Variants in B3GAT2 observed in about 807,000 individuals in gnomAD.
The protein encoded by B3GAT2 is beta-1,3-glucuronyltransferase 2, also known as galactosylgalactosylxylosylprotein 3-beta-glucuronosyltransferase 2.
A neutral mutation model predicts 27.8 loss-of-function variants in B3GAT2; 26 were observed. That is an observed-to-expected ratio of 0.93 (90% CI 0.68 to 1.30). B3GAT2 has a LOEUF of 1.30. Ranked by LOEUF, B3GAT2 falls within the 50% of genes most tolerant of loss-of-function variation. B3GAT2 has a pLI of 0.00. For synonymous variants in B3GAT2, 218 were observed against 195.1 expected (o/e 1.12, Z -0.98); for missense variants, 458 against 459.0 (o/e 1.00, Z 0.02).
chr6:70,905,023 T>C (rs1428749200), intron 1 of B3GAT2, among the ~76,000 whole-genome samples: 3 of 152,188 alleles, frequency 2.0e-5, no homozygotes, highest in Non-Finnish European at 4.4e-5. Context: ...AGGTTCAGAC[T>C]AAATATAGTT....
At chr6:70,927,184 C>G (rs573946127) in intron 1 of B3GAT2, among the ~76,000 whole-genome samples, 1 of 152,156 alleles carries the variant, frequency 6.6e-6, no homozygotes, top group Non-Finnish European at 1.5e-5. Context: ...AAGAACTAAA[C>G]ATGGAAAGGA....
At chr6:70,919,963 C>T (rs894637390) in intron 1 of B3GAT2, among the ~76,000 whole-genome samples, 1 of 152,198 alleles carries the variant, frequency 6.6e-6, no homozygotes, top group Admixed American at 6.5e-5. Flanking sequence ...TTTAAGTCTG[C>T]AGAAGCTGTC....
At chr6:70,930,535 T>G (rs912237794) in intron 1 of B3GAT2, among the ~76,000 whole-genome samples, 1 of 152,274 alleles carries the variant, frequency 6.6e-6, no homozygotes, top group African/African-American at 2.4e-5. Flanking sequence ...GGGCGAAGGA[T>G]ATGAACAGAC....
At chr6:70,931,013 AG>A (rs1562232644) in intron 1 of B3GAT2, among the ~76,000 whole-genome samples, 2 of 152,148 alleles carry the variant, frequency 1.3e-5, no homozygotes, top group East Asian at 1.9e-4. Context: ...CATAAAAAAG[AG>A]TGAGTTCATG....
At chr6:70,922,912 C>T (rs1040304153) in intron 1 of B3GAT2, among the ~76,000 whole-genome samples, 1 of 152,190 alleles carries the variant, frequency 6.6e-6, no homozygotes, top group African/African-American at 2.4e-5. Flanking sequence ...CTCAGATCCA[C>T]CACTAATTAG....
Position 70,857,642 on chromosome 6 carries a change from T to G in B3GAT2, c.*4021A>C. The G allele has an allele frequency of 2.4e-6, 1 of 421,934 alleles. No homozygotes were observed. The allele number at this position is 421,934 out of a possible 1,614,324, so 26.1% of individuals were successfully genotyped here. A position where few individuals can be genotyped will look rare whatever the true frequency, so the allele number is the denominator to read the frequency against. On this transcript the variant is annotated 3_prime_UTR_variant, in exon 4 of 4. Transcript: ENST00000230053. ...AAACAGTGTATGATGTCATGCTACA[T>G]AGTTTGGTCTTCACAGTGGAAGATA...
intron 1 of B3GAT2, among the ~76,000 whole-genome samples, chr6:70,912,792 A>C (rs555561241): frequency 1.3e-5 from 2 of 152,118 alleles, no homozygotes; most frequent in Non-Finnish European, 2.9e-5. Context: ...TTGTGGATCC[A>C]TCTGGTCCAG....
chr6:70,894,027 C>T, intron 2 of B3GAT2, 101 bp downstream of exon 2: 1 of 1,301,300 alleles, frequency 7.7e-7, no homozygotes, highest in East Asian at 2.5e-5. Flanking sequence ...AGGGTTTTAT[C>T]CAAATTTGTC....
At chr6:70,932,533 C>G (rs971955650) in intron 1 of B3GAT2, among the ~76,000 whole-genome samples, 1 of 152,038 alleles carries the variant, frequency 6.6e-6, no homozygotes, top group Non-Finnish European at 1.5e-5. Context: ...TGAAATAAAC[C>G]AGACACAAAA....
intron 1 of B3GAT2, among the ~76,000 whole-genome samples, chr6:70,918,338 CTCTT>C (rs1417691619): frequency 1.3e-5 from 2 of 151,738 alleles, no homozygotes; most frequent in Non-Finnish European, 2.9e-5. Context: ...AGGGTCTTGA[CTCTT>C]TATCCAATTT....
intron 1 of B3GAT2, among the ~76,000 whole-genome samples, chr6:70,952,345 G>A (rs1268942391): frequency 6.6e-6 from 1 of 151,168 alleles, no homozygotes; most frequent in Non-Finnish European, 1.5e-5. Flanking sequence ...TTTCTTGCTT[G>A]GAAAGTGCTA....
intron 2 of B3GAT2, among the ~76,000 whole-genome samples, chr6:70,867,374 T>G (rs1007436969): frequency 6.6e-6 from 1 of 151,714 alleles, no homozygotes; most frequent in Admixed American, 6.6e-5. Context: ...AGAAGATAAG[T>G]GAAATAAAAA....
chr6:70,956,873 G>A lies in B3GAT2; in HGVS notation c.-444C>T, dbSNP rs866908844. 1.3e-5 allele frequency: 13 copies of A among 1,025,636 alleles called. No homozygotes were observed. Among genetic ancestry groups the A allele is most frequent in the Middle Eastern group, 9.5e-4 (2 of 2,104 alleles). 63.5% of individuals were successfully genotyped at this position (1,025,636 alleles called of 1,614,324 possible). ...GGCTCCAGCCGCGGGCCCCCAGGAC[G>A]CTCTCTGGGACGCCTTCGAGGGCGG... On this transcript the variant is annotated 5_prime_UTR_variant, in exon 1 of 4. Coordinates refer to ENST00000230053, the MANE Select transcript of B3GAT2 (RefSeq NM_080742.3).
chr6:70,873,545 ATC>A lies in B3GAT2; in HGVS notation c.737-11569_737-11568del, dbSNP rs902936921. Among the ~76,000 whole-genome samples the A allele has an allele frequency of 6.1e-4, 93 of 152,160 alleles. 1 individual carries two copies. Among genetic ancestry groups the A allele is most frequent in the African/African-American group, 2.2e-3 (93 of 41,532 alleles). On this transcript the variant is annotated intron_variant, in intron 2 of 3. Transcript: ENST00000230053. ...CTGATTATGATGTGTCTAGGTATGAATCTCTGAGTTTATCCTACTTGGAATCC... is the reference window on the plus strand; with the variant it reads ...CTGATTATGATGTGTCTAGGTATGAATCTGAGTTTATCCTACTTGGAATCC...
At chr6:70,879,002 T>C (rs1772058308) in intron 2 of B3GAT2, among the ~76,000 whole-genome samples, 1 of 152,214 alleles carries the variant, frequency 6.6e-6, no homozygotes, top group African/African-American at 2.4e-5. Context: ...TTCACTTTGC[T>C]TCTCCTATTT....
At chr6:70,874,338 CA>C (rs1771981022) in intron 2 of B3GAT2, among the ~76,000 whole-genome samples, 1 of 152,174 alleles carries the variant, frequency 6.6e-6, no homozygotes, top group South Asian at 2.1e-4. Flanking sequence ...ATATTGGACA[CA>C]GATTTCCTTA....
In B3GAT2 at chr6:70,940,673, A is replaced by G. The variant is rs151115747; in HGVS notation, c.591+15166T>C. Among the ~76,000 whole-genome samples the G allele has an allele frequency of 1.0e-2, 1,521 of 152,220 alleles. 15 individuals are homozygous for G. The highest frequency in any genetic ancestry group is 0.017 in the Middle Eastern group (5 of 292). ...CCAGGCACCGTGGCTCACACCTGTAATCCCAGCACTTTGGGAAACCGAGGT... is the reference window on the plus strand; with the variant it reads ...CCAGGCACCGTGGCTCACACCTGTAGTCCCAGCACTTTGGGAAACCGAGGT... On this transcript the variant is annotated intron_variant, in intron 1 of 3. Coordinates refer to ENST00000230053, the MANE Select transcript of B3GAT2 (RefSeq NM_080742.3).
intron 1 of B3GAT2, among the ~76,000 whole-genome samples, chr6:70,908,964 T>G (rs1204205135): frequency 6.6e-6 from 1 of 152,186 alleles, no homozygotes; most frequent in Non-Finnish European, 1.5e-5. Flanking sequence ...ACTTCCCAAA[T>G]TTGAAAAAAC....
In B3GAT2 at chr6:70,861,713, G is replaced by A. The variant is rs767450003; in HGVS notation, c.922C>T (p.Leu308=). The change falls in exon 4 of 4, where the codon CTA becomes TTA. Residue 308 remains leucine, a synonymous_variant. Coordinates refer to ENST00000230053, the MANE Select transcript of B3GAT2 (RefSeq NM_080742.3). ...AGGTGGTACTTTGGCTCGTTGGCTA[G>A]ATTAACCTTCTCTGTCCGAGTGTGC... The part of the protein sequence containing the change: ...VWHTRTEKVN[L]ANEPKYHLDT... 1.2e-6 allele frequency: 2 copies of A among 1,614,088 alleles called. No individual in the cohort carries two copies. The highest frequency in any genetic ancestry group is 8.5e-7 in the Non-Finnish European group (1 of 1,179,984).
Sources: gnomAD v4.1 joint callset for allele counts (sites outside exome capture counted in the v4.1 genomes callset) on GRCh38, gnomAD v4.1.1 for gene constraint, MANE v1.5 for transcripts, NCBI Gene and HGNC (gene_info 2026-07-23, HGNC 2026-07-21) for gene names.